Variants in PPP1R11 observed in about 807,000 individuals in gnomAD.
The protein encoded by PPP1R11 is protein phosphatase 1 regulatory inhibitor subunit 11, also known as E3 ubiquitin-protein ligase PPP1R11.
Under a neutral mutation model 11.3 loss-of-function variants are expected in PPP1R11, and 10 were observed. That is an observed-to-expected ratio of 0.88 (90% CI 0.55 to 1.50). PPP1R11 has a LOEUF of 1.50. Among genes scored for constraint, PPP1R11 ranks in the 40% most tolerant of loss-of-function variants. The probability of loss-of-function intolerance (pLI) is 0.00; values close to 1 mark genes in which losing one functional copy is unlikely to be tolerated. For synonymous variants in PPP1R11, 56 were observed against 62.3 expected, an observed-to-expected ratio of 0.90 and a Z score of 0.48; for missense variants, 114 against 179.1, an observed-to-expected ratio of 0.64 and a Z score of 2.07.
In PPP1R11 at chr6:30,067,449, T is replaced by G; in HGVS notation, c.39T>G (p.Thr13=). ...EAGAGLSETV[T]ETTVTVTTEP... is the part of the protein sequence containing the mutation. ...GGGCTGGGCTGAGCGAGACCGTCAC[T>G]GAGACAACGGTTACCGTGACAACCG... The change falls in exon 1 of 3, where the codon ACT becomes ACG. Residue 13 remains threonine, a synonymous_variant. Coordinates refer to ENST00000376772, the MANE Select transcript of PPP1R11 (RefSeq NM_021959.3). 3 of 1,613,952 alleles carry G rather than the reference T, an allele frequency of 1.9e-6. No homozygotes were observed. The highest frequency in any genetic ancestry group is 2.5e-6 in the Non-Finnish European group (3 of 1,179,962).
chr6:30,068,529 A>C, intron 1 of PPP1R11, 61 bp from the exon 2 acceptor site: 1 of 1,357,460 alleles, frequency 7.4e-7, no homozygotes, highest in Non-Finnish European at 1.0e-6. Flanking sequence ...GTTCCCTGGG[A>C]GGGAGTGGGA....
In PPP1R11 at chr6:30,069,917, AATCAT is replaced by A. The variant is rs1765800061; in HGVS notation, c.*615_*619del. 6.6e-6 allele frequency: 1 copy of A among 152,326 alleles called. No homozygotes were observed. The highest frequency in any genetic ancestry group is 1.5e-5 in the Non-Finnish European group (1 of 68,108). 9.4% of individuals were successfully genotyped at this position (152,326 alleles called of 1,614,324 possible). A position where few individuals can be genotyped will look rare whatever the true frequency, so the allele number is the denominator to read the frequency against. ...TCTTATGGAAAATGGAATAAGAAAT[AATCAT>A]ATCCTTTCTTCCCACCCTTCTCCTG... On this transcript the variant is annotated 3_prime_UTR_variant, in exon 3 of 3. Transcript: ENST00000376772. This position sits in a 1 kb window ranked among gnomAD's most constrained non-coding sequence, Gnocchi z 6.6.
At chr6:30,068,505 A>T in intron 1 of PPP1R11, 85 bp from the exon 2 acceptor site, 1 of 1,097,400 alleles carries the variant, frequency 9.1e-7, no homozygotes, top group Non-Finnish European at 1.4e-6. Context: ...GAGCTAAAGA[A>T]GAAAAGAGAG....
upstream of PPP1R11, among the ~76,000 whole-genome samples, chr6:30,063,289 C>T (rs1460034264): frequency 6.6e-6 from 1 of 152,044 alleles, no homozygotes; most frequent in African/African-American, 2.4e-5. The surrounding 1 kb of genome is among the most constrained non-coding windows in gnomAD (Gnocchi z 4.1). Flanking sequence ...CTCCATTTCT[C>T]TCACCTTCTT....
Position 30,069,506 on chromosome 6 carries a change from C to T in PPP1R11, c.*200C>T. 4.0e-6 allele frequency: 2 copies of T among 497,992 alleles called. No individual in the cohort carries two copies. The highest frequency in any genetic ancestry group is 3.5e-6 in the Non-Finnish European group (1 of 285,188). The allele number at this position is 497,992 out of a possible 1,614,324, so 30.8% of individuals were successfully genotyped here. ...TTTCCCCAGTCCTCATTTTTCCTCC[C>T]AATACCCACCCTTCTCTCTCGAGGG... On this transcript the variant is annotated 3_prime_UTR_variant, in exon 3 of 3. Coordinates refer to ENST00000376772, the MANE Select transcript of PPP1R11 (RefSeq NM_021959.3). The surrounding 1 kb of genome is among the most constrained non-coding windows in gnomAD (Gnocchi z 6.6).
At chr6:30,061,464 G>C in the PPP1R11 span, 1 of 1,586,238 alleles carries the variant, frequency 6.3e-7, no homozygotes, top group South Asian at 1.1e-5. This position sits in a 1 kb window ranked among gnomAD's most constrained non-coding sequence, Gnocchi z 5.0. Context: ...ACGACCTCTG[G>C]GACAGGAACT....
chr6:30,068,840 G>A (rs1765723561), intron 2 of PPP1R11, 142 bp downstream of exon 2: 1 of 811,688 alleles, frequency 1.2e-6, no homozygotes, highest in South Asian at 1.8e-5. Context: ...TGGTATCAGG[G>A]AAAGAGGTAG....
At chr6:30,062,416 C>T, upstream of PPP1R11, 3 of 914,986 alleles carry the variant, frequency 3.3e-6, no homozygotes, top group Non-Finnish European at 5.3e-6. Flanking sequence ...ACGAAATGGC[C>T]GTTTCCCTTG....
rs185477475 is a variant in PPP1R11 at position 30,069,376 on chromosome 6, C to T, written c.*70C>T. The stretch of plus-strand genomic sequence containing the variant: ...GTATCCATGTGGCTACTTCTCCAGC[C>T]CCCTCCTTCCCTCTCTTCTGCCTGA... On this transcript the variant is annotated 3_prime_UTR_variant, in exon 3 of 3. Transcript: ENST00000376772. The surrounding 1 kb of genome is among the most constrained non-coding windows in gnomAD (Gnocchi z 6.6). 1.7e-6 allele frequency: 2 copies of T among 1,183,158 alleles called. No individual in the cohort carries two copies. Among genetic ancestry groups the T allele is most frequent in the East Asian group, 5.0e-5 (2 of 40,104 alleles). The allele number at this position is 1,183,158 out of a possible 1,614,324, so 73.3% of individuals were successfully genotyped here.
At chr6:30,062,183 G>C (rs948754387), upstream of PPP1R11, 1 of 1,528,560 alleles carries the variant, frequency 6.5e-7, no homozygotes, top group Non-Finnish European at 9.1e-7. Flanking sequence ...GGAAGTAAGG[G>C]GATATGACCA....
chr6:30,069,004 A>C lies in PPP1R11; in HGVS notation c.179-100A>C. Reference sequence around the variant, plus strand: ...CTGGGGAAGCTGGATCCTGGAAGGTAGGAGAAAATAGGAATTTTCACTGAG... The same window carrying C: ...CTGGGGAAGCTGGATCCTGGAAGGTCGGAGAAAATAGGAATTTTCACTGAG... On this transcript the variant is annotated intron_variant, in intron 2 of 2. Coordinates refer to ENST00000376772, the MANE Select transcript of PPP1R11 (RefSeq NM_021959.3). This position sits in a 1 kb window ranked among gnomAD's most constrained non-coding sequence, Gnocchi z 6.6. 1 of 1,230,682 alleles carries C rather than the reference A, an allele frequency of 8.1e-7. No homozygotes were observed. The highest frequency in any genetic ancestry group is 1.2e-6 in the Non-Finnish European group (1 of 864,126). The allele number at this position is 1,230,682 out of a possible 1,614,324, so 76.2% of individuals were successfully genotyped here. A position where few individuals can be genotyped will look rare whatever the true frequency, so the allele number is the denominator to read the frequency against.
Position 30,069,582 on chromosome 6 carries a change from G to T in PPP1R11, c.*276G>T. On this transcript the variant is annotated 3_prime_UTR_variant, in exon 3 of 3. Coordinates refer to ENST00000376772, the MANE Select transcript of PPP1R11 (RefSeq NM_021959.3). The surrounding 1 kb of genome is among the most constrained non-coding windows in gnomAD (Gnocchi z 6.6). ...TTCCTTTTGTTCTCACTGCCAAACT[G>T]CCTGTCCTGGGATCTAGTTATCTTG... The T allele has an allele frequency of 2.5e-6, 1 of 398,760 alleles. No homozygotes were observed. The highest frequency in any genetic ancestry group is 4.4e-6 in the Non-Finnish European group (1 of 225,642). 24.7% of individuals were successfully genotyped at this position (398,760 alleles called of 1,614,324 possible). A position where few individuals can be genotyped will look rare whatever the true frequency, so the allele number is the denominator to read the frequency against.
the PPP1R11 span, chr6:30,061,616 G>A: frequency 6.2e-7 from 1 of 1,613,046 alleles, no homozygotes; most frequent in South Asian, 1.1e-5. The surrounding 1 kb of genome is among the most constrained non-coding windows in gnomAD (Gnocchi z 5.0). Flanking sequence ...CCTCTGCCCG[G>A]GGCTCAGGAT....
upstream of PPP1R11, chr6:30,065,023 G>A (rs1421623392): frequency 1.1e-5 from 3 of 271,426 alleles, no homozygotes; most frequent in Non-Finnish European, 2.0e-5. This position sits in a 1 kb window ranked among gnomAD's most constrained non-coding sequence, Gnocchi z 5.3. Context: ...AGTAGAGTCA[G>A]GAATGAGGCT....
At chr6:30,061,549 ACTTG>A in the PPP1R11 span, 1 of 1,613,002 alleles carries the variant, frequency 6.2e-7, no homozygotes. The surrounding 1 kb of genome is among the most constrained non-coding windows in gnomAD (Gnocchi z 5.0). Context: ...CCTCGCCAAT[ACTTG>A]CTCCAGCTTT....
upstream of PPP1R11, chr6:30,064,659 T>C (rs1204923959): frequency 6.2e-7 from 1 of 1,606,662 alleles, no homozygotes; most frequent in Admixed American, 1.7e-5. Context: ...AACAAGTCCT[T>C]TCTTTCCTCA....
At chr6:30,062,050 A>C, upstream of PPP1R11, 4 of 1,591,762 alleles carry the variant, frequency 2.5e-6, no homozygotes, top group Non-Finnish European at 3.4e-6. Context: ...TGGCTCCATA[A>C]GGTGGGTAGG....
upstream of PPP1R11, chr6:30,062,396 A>AT (rs1765157720): frequency 4.2e-6 from 5 of 1,182,858 alleles, no homozygotes; most frequent in East Asian, 4.8e-5. Context: ...CCAGTGATTT[A>AT]TTTTTTTGTA....
upstream of PPP1R11, chr6:30,062,337 A>T (rs9261269): frequency 6.3e-7 from 1 of 1,597,834 alleles, no homozygotes; most frequent in Non-Finnish European, 8.6e-7. Flanking sequence ...ACTGCAAGTG[A>T]GTATTCTTTC....
Sources: allele counts gnomAD v4.1 joint callset (sites outside exome capture counted in the v4.1 genomes callset), GRCh38; gene constraint gnomAD v4.1.1; non-coding constraint Gnocchi (gnomAD v3.1); transcripts MANE v1.5; gene names NCBI Gene and HGNC (gene_info 2026-07-23, HGNC 2026-07-21).